The following EYS variants were observed in gnomAD, a reference collection of about 807,000 sequenced individuals.
EYS encodes the protein protein eyes shut homolog.
A neutral mutation model predicts 282.1 loss-of-function variants in EYS; 250 were observed. That is an observed-to-expected ratio of 0.89 (90% CI 0.80 to 0.98). EYS has a LOEUF of 0.98. Ranked by LOEUF, EYS falls within the 50% of genes least tolerant of loss-of-function variation. The pLI is 0.00. For synonymous variants in EYS, 1,355 were observed against 1,282.9 expected (o/e 1.06, Z -1.20); for missense variants, 4,016 against 3,709.0 (o/e 1.08, Z -2.15).
intron 6 of EYS, among the ~76,000 whole-genome samples, chr6:65,404,397 ATTTATTTTATT>A (rs1766637836): frequency 6.6e-6 from 1 of 151,906 alleles, no homozygotes; most frequent in Non-Finnish European, 1.5e-5. Flanking sequence ...GGACATTTTT[ATTTATTTTATT>A]TTTATTTTAT....
intron 26 of EYS, among the ~76,000 whole-genome samples, chr6:64,465,015 A>G (rs762324745): frequency 3.3e-5 from 5 of 151,984 alleles, no homozygotes; most frequent in Non-Finnish European, 7.4e-5. Flanking sequence ...GAATATTAAA[A>G]TAAGTAAATA....
intron 12 of EYS, among the ~76,000 whole-genome samples, chr6:65,110,009 A>G (rs1775167574): frequency 6.6e-6 from 1 of 152,182 alleles, no homozygotes; most frequent in Non-Finnish European, 1.5e-5. Flanking sequence ...TGCTCAAGCA[A>G]CTTGGTTTAT....
chr6:65,225,840 A>G (rs1000358351), intron 12 of EYS, among the ~76,000 whole-genome samples: 11 of 152,050 alleles, frequency 7.2e-5, no homozygotes, highest in African/African-American at 2.2e-4. Flanking sequence ...AATCCAATGC[A>G]CTTTTGTAAT....
chr6:64,112,702 G>T (rs1773245652), intron 31 of EYS, among the ~76,000 whole-genome samples: 1 of 149,608 alleles, frequency 6.7e-6, no homozygotes. Context: ...TATTTTCTAT[G>T]AATTAAAGAA....
At position 65,689,459 on chromosome 6, in the gene EYS, G is replaced by T. The variant is rs190761409; in HGVS notation, c.-448+17676C>A. ...TTACTGGGTGCAGCACACCAACATG[G>T]CACATGTATACGTATGTAACTAACC... On this transcript the variant is annotated intron_variant, in intron 1 of 42. Coordinates refer to ENST00000503581, the MANE Select transcript of EYS (RefSeq NM_001142800.2). 5.5e-4 allele frequency among the ~76,000 whole-genome samples: 82 copies of T among 149,290 alleles called. 1 individual carries two copies. Among genetic ancestry groups the T allele is most frequent in the African/African-American group, 1.8e-3 (73 of 41,110 alleles).
At chr6:65,191,843 C>T (rs1165684873) in intron 12 of EYS, among the ~76,000 whole-genome samples, 1 of 151,844 alleles carries the variant, frequency 6.6e-6, no homozygotes, top group Admixed American at 6.6e-5. Context: ...CCTGTGAAAA[C>T]AGGTGATCAC....
chr6:65,058,500 G>C (rs1773480624), intron 12 of EYS, among the ~76,000 whole-genome samples: 1 of 139,076 alleles, frequency 7.2e-6, no homozygotes, highest in Non-Finnish European at 1.7e-5. Flanking sequence ...TACTAATAAA[G>C]CCATGAGTAA....
intron 37 of EYS, among the ~76,000 whole-genome samples, chr6:63,800,783 T>G (rs963140756): frequency 6.6e-6 from 1 of 152,172 alleles, no homozygotes; most frequent in African/African-American, 2.4e-5. Flanking sequence ...CCAGCCTGGG[T>G]GACAGAGCGA....
At chr6:63,982,496 C>CA (rs1767145579) in intron 35 of EYS, among the ~76,000 whole-genome samples, 1 of 151,830 alleles carries the variant, frequency 6.6e-6, no homozygotes, top group South Asian at 2.1e-4. Flanking sequence ...AGCCAGGGGA[C>CA]ACCCTCAACT....
At chr6:64,531,447 C>T (rs546475741) in intron 26 of EYS, among the ~76,000 whole-genome samples, 3 of 149,686 alleles carry the variant, frequency 2.0e-5, no homozygotes, top group African/African-American at 7.3e-5. Flanking sequence ...AGTGCAGTGG[C>T]GTGATCTCGG....
chr6:65,640,135 T>C (rs1767227149), intron 1 of EYS, among the ~76,000 whole-genome samples: 1 of 152,190 alleles, frequency 6.6e-6, no homozygotes, highest in African/African-American at 2.4e-5. Context: ...CATACAAAAA[T>C]TCTACAAATA....
intron 13 of EYS, among the ~76,000 whole-genome samples, chr6:65,036,381 G>GA (rs1215910563): frequency 1.3e-5 from 2 of 150,962 alleles, no homozygotes; most frequent in African/African-American, 4.9e-5. Context: ...AACAATCCTA[G>GA]AAAAAAAACT....
chr6:63,817,826 G>T (rs951799732), intron 36 of EYS, among the ~76,000 whole-genome samples: 3 of 152,162 alleles, frequency 2.0e-5, no homozygotes, highest in African/African-American at 7.2e-5. Flanking sequence ...TTCTTTATCT[G>T]GTGTGGTGAT....
In EYS at chr6:65,604,871, T is replaced by C. The variant is rs1207600188; in HGVS notation, c.-333+34907A>G. On this transcript the variant is annotated intron_variant, in intron 2 of 42. Transcript: ENST00000503581. ...TTTTTTTTTTTTTTTTGAGACAGGG[T>C]CTTGCTCTGTCACATAGGCTGGAGT... is the stretch of plus-strand genomic sequence containing the variant. 1.7e-3 allele frequency among the ~76,000 whole-genome samples: 234 copies of C among 141,330 alleles called. 1 individual carries two copies. Among genetic ancestry groups the C allele is most frequent in the Middle Eastern group, 0.011 (3 of 278 alleles). The allele number at this position is 141,330 out of a possible 152,430, so 92.7% of individuals were successfully genotyped here. A position where few individuals can be genotyped will look rare whatever the true frequency, so the allele number is the denominator to read the frequency against.
chr6:64,821,659 T>A lies in EYS; in HGVS notation c.3229A>T (p.Lys1077Ter). 6.7e-7 allele frequency: 1 copy of A among 1,493,694 alleles called. No homozygotes were observed. The highest frequency in any genetic ancestry group is 9.0e-7 in the Non-Finnish European group (1 of 1,106,304). The allele number at this position is 1,493,694 out of a possible 1,614,324, so 92.5% of individuals were successfully genotyped here. Residue 1077 changes from lysine (K) to a stop codon, truncating the protein, a stop_gained, in exon 21 of 43, where the codon AAG becomes TAG. Coordinates refer to ENST00000503581, the MANE Select transcript of EYS (RefSeq NM_001142800.2). LOFTEE classifies it high-confidence loss of function. ...ATAAGACTTACATTAATTTTGATCT[T>A]ACATTGTGTGCTAGTCCCATCTGCA... Reference protein sequence around the residue: ...CDADGTSTQCKIKINDCTSIP... With the variant: ...CDADGTSTQC
intron 12 of EYS, among the ~76,000 whole-genome samples, chr6:65,112,877 C>T (rs1432046621): frequency 6.6e-6 from 1 of 152,010 alleles, no homozygotes; most frequent in African/African-American, 2.4e-5. Flanking sequence ...TCATAAAATA[C>T]TGGTGCTGTA....
intron 2 of EYS, among the ~76,000 whole-genome samples, chr6:65,524,971 G>T (rs1396650997): frequency 1.3e-5 from 2 of 152,132 alleles, no homozygotes; most frequent in African/African-American, 2.4e-5. Flanking sequence ...CTTTAGCCAG[G>T]TCAACCATGG....
Position 64,590,750 on chromosome 6 carries a change from T to G in EYS, c.5117A>C (p.Gln1706Pro), listed in dbSNP as rs1367176426. 1 of 1,550,914 alleles carries G rather than the reference T, an allele frequency of 6.4e-7. No homozygotes were observed. The highest frequency in any genetic ancestry group is 8.7e-7 in the Non-Finnish European group (1 of 1,146,522). The change falls in exon 26 of 43, where the codon CAA (glutamine) becomes CCA (proline). Residue 1706 changes from glutamine to proline, a missense_variant. Gln to Pro is a moderately conservative substitution (Grantham distance 76, BLOSUM62 -1). Transcript: ENST00000503581. ...AGTGGGTCCCATAGTTATGCCATAT[T>G]GTCTTATTTTCAATAGTTTTAAAAT... ...ENILKLLKIRQYGITMGPTEV... is the reference protein window; with the variant it reads ...ENILKLLKIRPYGITMGPTEV...
chr6:65,027,355 T>A (rs1164127747), intron 13 of EYS, among the ~76,000 whole-genome samples: 1 of 152,222 alleles, frequency 6.6e-6, no homozygotes, highest in African/African-American at 2.4e-5. Context: ...TTAGAAGTTT[T>A]TGTGACAGTC....
Sources: allele counts gnomAD v4.1 joint callset (sites outside exome capture counted in the v4.1 genomes callset), GRCh38; gene constraint gnomAD v4.1.1; transcripts MANE v1.5; gene names NCBI Gene and HGNC (gene_info 2026-07-23, HGNC 2026-07-21).